LRRC4C: variants seen among roughly 807,000 people sequenced by gnomAD.
The protein encoded by LRRC4C is leucine rich repeat containing 4C.
A neutral mutation model predicts 33.6 loss-of-function variants in LRRC4C; 5 were observed. That is an observed-to-expected ratio of 0.15 (90% CI 0.08 to 0.31). The LOEUF (loss-of-function observed/expected upper bound fraction) is 0.31, where lower values mean the gene tolerates loss of function less well. Ranked by LOEUF, LRRC4C falls within the 10% of genes least tolerant of loss-of-function variation. LRRC4C has a pLI of 1.00. For missense variants in LRRC4C, 560 were observed against 796.7 expected, an observed-to-expected ratio of 0.70 and a Z score of 3.58; for synonymous variants, 329 against 302.0, an observed-to-expected ratio of 1.09 and a Z score of -0.93.
intron 3 of LRRC4C, among the ~76,000 whole-genome samples, chr11:40,485,248 GAC>G (rs61129430): frequency 0.16 from 24,110 of 150,572 alleles, 2,068 homozygotes; most frequent in African/African-American, 0.2. Context: ...TGATAAGAGG[GAC>G]ACACACACAC....
chr11:41,221,856 A>G (rs1590976607), intron 1 of LRRC4C, among the ~76,000 whole-genome samples: 1 of 152,292 alleles, frequency 6.6e-6, no homozygotes, highest in East Asian at 1.9e-4. Context: ...ATCTCCTATA[A>G]ATACCCACAC....
intron 5 of LRRC4C, among the ~76,000 whole-genome samples, chr11:40,232,979 T>G (rs1469315918): frequency 6.6e-6 from 1 of 152,226 alleles, no homozygotes; most frequent in Non-Finnish European, 1.5e-5. Context: ...TGGAATATTT[T>G]ACATGCTTTA....
intron 3 of LRRC4C, among the ~76,000 whole-genome samples, chr11:40,625,449 C>T (rs1215727649): frequency 6.6e-6 from 1 of 152,082 alleles, no homozygotes; most frequent in Non-Finnish European, 1.5e-5. Context: ...GGGAACTGCT[C>T]TTTTAAAACC....
At chr11:40,441,304 TCA>T (rs1209289305) in intron 3 of LRRC4C, among the ~76,000 whole-genome samples, 1 of 152,214 alleles carries the variant, frequency 6.6e-6, no homozygotes, top group Non-Finnish European at 1.5e-5. Flanking sequence ...CTGTAGCTGT[TCA>T]CAGTCATTTT....
At chr11:40,531,855 G>T (rs1456389008) in intron 3 of LRRC4C, among the ~76,000 whole-genome samples, 1 of 151,432 alleles carries the variant, frequency 6.6e-6, no homozygotes, top group Non-Finnish European at 1.5e-5. Flanking sequence ...AAAATATAAA[G>T]ATAGTTTGGG....
At chr11:40,787,380 C>T (rs1281156704) in intron 2 of LRRC4C, among the ~76,000 whole-genome samples, 1 of 152,088 alleles carries the variant, frequency 6.6e-6, no homozygotes, top group Non-Finnish European at 1.5e-5. Flanking sequence ...TTGCTTATTC[C>T]TTTCCTTTGT....
chr11:41,361,907 A>C (rs888618798), intron 1 of LRRC4C, among the ~76,000 whole-genome samples: 1 of 152,210 alleles, frequency 6.6e-6, no homozygotes, highest in East Asian at 1.9e-4. Context: ...GAAAAAAATC[A>C]TGTGTAAAAT....
At chr11:40,383,801 C>T (rs1423480781) in intron 3 of LRRC4C, among the ~76,000 whole-genome samples, 2 of 151,898 alleles carry the variant, frequency 1.3e-5, no homozygotes, top group African/African-American at 4.8e-5. Flanking sequence ...CTTCCTACCT[C>T]AGCCTCTCTA....
At chr11:40,137,184 G>T (rs1291486107) in intron 6 of LRRC4C, among the ~76,000 whole-genome samples, 1 of 149,712 alleles carries the variant, frequency 6.7e-6, no homozygotes, top group Non-Finnish European at 1.5e-5. Flanking sequence ...GTGTGTGTGT[G>T]TGTGTGTATG....
intron 1 of LRRC4C, among the ~76,000 whole-genome samples, chr11:41,409,439 A>G (rs1352319672): frequency 2.0e-5 from 3 of 152,234 alleles, no homozygotes; most frequent in Admixed American, 1.3e-4. Flanking sequence ...CAAAATGCCA[A>G]GAATTTTGCT....
intron 1 of LRRC4C, among the ~76,000 whole-genome samples, chr11:41,369,499 T>A (rs1197789956): frequency 6.6e-6 from 1 of 151,826 alleles, no homozygotes; most frequent in Non-Finnish European, 1.5e-5. Context: ...AACACAAGTT[T>A]ACCTACATAA....
At chr11:41,457,948 T>G (rs989756026) in intron 1 of LRRC4C, among the ~76,000 whole-genome samples, 63 of 152,210 alleles carry the variant, frequency 4.1e-4, no homozygotes, top group African/African-American at 1.4e-3. Context: ...TCTTTAAGTT[T>G]TTTGTTTGTT....
At chr11:40,822,341 T>G (rs1451467726) in intron 2 of LRRC4C, among the ~76,000 whole-genome samples, 3 of 144,806 alleles carry the variant, frequency 2.1e-5, no homozygotes, top group African/African-American at 7.6e-5. Context: ...GATTCTAGGT[T>G]TTTTTTTTTT....
At chr11:41,316,271 A>AC (rs1555145062) in intron 1 of LRRC4C, among the ~76,000 whole-genome samples, 5 of 149,320 alleles carry the variant, frequency 3.3e-5, no homozygotes, top group African/African-American at 9.8e-5. Flanking sequence ...GCAAAAAAAA[A>AC]AAAAAAAACA....
intron 1 of LRRC4C, among the ~76,000 whole-genome samples, chr11:41,430,390 A>G (rs1955190847): frequency 6.6e-6 from 1 of 152,170 alleles, no homozygotes; most frequent in South Asian, 2.1e-4. Flanking sequence ...TGAAGAAAGT[A>G]ATGGACTTTT....
chr11:41,335,073 C>A (rs117288138), intron 1 of LRRC4C, among the ~76,000 whole-genome samples: 2 of 152,148 alleles, frequency 1.3e-5, no homozygotes, highest in African/African-American at 2.4e-5. Flanking sequence ...CACCTAACAT[C>A]CAGTTATACC....
chr11:41,332,900 C>G (rs1428262389), intron 1 of LRRC4C, among the ~76,000 whole-genome samples: 1 of 152,120 alleles, frequency 6.6e-6, no homozygotes, highest in Non-Finnish European at 1.5e-5. Flanking sequence ...AAAGTAGTGA[C>G]TCAGAATAAC....
At chr11:40,993,988 G>A (rs60278497) in intron 1 of LRRC4C, among the ~76,000 whole-genome samples, 13,410 of 151,584 alleles carry the variant, frequency 0.088, 637 homozygotes, top group Non-Finnish European at 0.099. Context: ...TGTGGATAAC[G>A]GGAACTGGAT....
At chr11:41,163,507 C>A (rs1944576672) in intron 1 of LRRC4C, among the ~76,000 whole-genome samples, 1 of 151,708 alleles carries the variant, frequency 6.6e-6, no homozygotes, top group Admixed American at 6.6e-5. Context: ...TGGTATCAAA[C>A]TCCTGACCTC....
Sources: allele counts gnomAD v4.1 joint callset (sites outside exome capture counted in the v4.1 genomes callset), GRCh38; gene constraint gnomAD v4.1.1; transcripts MANE v1.5; gene names NCBI Gene and HGNC (gene_info 2026-07-23, HGNC 2026-07-21).